ADGRL3: variants seen among roughly 807,000 people sequenced by gnomAD.
ADGRL3 encodes the protein adhesion G protein-coupled receptor L3, also known as calcium-independent alpha-latrotoxin receptor 3.
ADGRL3 carries 62 observed loss-of-function variants against 153.5 expected under a neutral mutation model. The ratio of observed to expected loss-of-function variants is 0.40; its 90% CI spans 0.33 to 0.50. The LOEUF (loss-of-function observed/expected upper bound fraction) is 0.50. Ranked by LOEUF, ADGRL3 falls within the 20% of genes least tolerant of loss-of-function variation. The pLI is 0.47. For missense variants in ADGRL3, 1,641 were observed against 1,859.4 expected (o/e 0.88, Z 2.16); for synonymous variants, 710 against 672.5 (o/e 1.06, Z -0.86).
intron 9 of ADGRL3, among the ~76,000 whole-genome samples, chr4:61,875,275 T>G (rs2098468903): frequency 6.6e-6 from 1 of 152,220 alleles, no homozygotes; most frequent in Non-Finnish European, 1.5e-5. Context: ...AAAAGCCATC[T>G]TGGATTTTTC....
chr4:61,205,488 T>G (rs1003556041), intron 1 of ADGRL3, among the ~76,000 whole-genome samples: 2 of 152,236 alleles, frequency 1.3e-5, no homozygotes, highest in African/African-American at 4.8e-5. Context: ...AGATTTGCAT[T>G]ATATTCAAAA....
At chr4:61,256,131 T>G (rs916082701) in intron 1 of ADGRL3, among the ~76,000 whole-genome samples, 1 of 152,230 alleles carries the variant, frequency 6.6e-6, no homozygotes, top group Admixed American at 6.5e-5. Flanking sequence ...TCAAAACACA[T>G]TTTTTAAGCA....
At chr4:61,911,749 T>A (rs1312894185) in intron 12 of ADGRL3, among the ~76,000 whole-genome samples, 1 of 152,030 alleles carries the variant, frequency 6.6e-6, no homozygotes, top group Non-Finnish European at 1.5e-5. Context: ...TGAATTAGAA[T>A]TGGGAGAGTA....
At chr4:61,920,975 T>C (rs1450461988) in intron 13 of ADGRL3, among the ~76,000 whole-genome samples, 1 of 152,122 alleles carries the variant, frequency 6.6e-6, no homozygotes, top group Non-Finnish European at 1.5e-5. Flanking sequence ...AAAATGCTTT[T>C]TCTTTTTCTT....
chr4:61,735,786 AATAG>A (rs756547536), intron 8 of ADGRL3, among the ~76,000 whole-genome samples: 95 of 152,192 alleles, frequency 6.2e-4, no homozygotes, highest in Non-Finnish European at 1.1e-3. Context: ...TATTTAGAAT[AATAG>A]ATAGGTTAAA....
At chr4:61,746,049 G>T (rs1442485248) in intron 8 of ADGRL3, among the ~76,000 whole-genome samples, 3 of 152,096 alleles carry the variant, frequency 2.0e-5, no homozygotes, top group African/African-American at 7.2e-5. Flanking sequence ...AAAGGCAGGG[G>T]TTGCAATCCT....
chr4:61,975,634 G>A (rs762239024), intron 17 of ADGRL3, among the ~76,000 whole-genome samples: 213 of 152,164 alleles, frequency 1.4e-3, no homozygotes, highest in Non-Finnish European at 2.5e-3. Context: ...ATAGAGAGAA[G>A]TGGGATTAGG....
chr4:61,493,526 A>G (rs1178107767), intron 2 of ADGRL3, among the ~76,000 whole-genome samples: 3 of 152,212 alleles, frequency 2.0e-5, no homozygotes. Flanking sequence ...TCCAGTTGTA[A>G]TTGAAGCCAG....
chr4:62,057,357 T>C lies in ADGRL3; in HGVS notation c.3815-10809T>C, dbSNP rs538305690. Among the ~76,000 whole-genome samples the C allele has an allele frequency of 3.9e-5, 6 of 152,266 alleles. No homozygotes were observed. The South Asian group carries it at 1.2e-3, about 32-fold the overall frequency. The stretch of plus-strand genomic sequence containing the variant: ...AAATATCACAGTTTTGTGTTAAAAC[T>C]ATACATTAGAGAAGGGTGTGACTCA... On this transcript the variant is annotated intron_variant, in intron 25 of 26. Coordinates refer to ENST00000683033, the MANE Select transcript of ADGRL3 (RefSeq NM_001387552.1).
At chr4:62,037,619 A>T in intron 23 of ADGRL3, 112 bp from the exon 24 acceptor site, 1 of 1,116,910 alleles carries the variant, frequency 9.0e-7, no homozygotes, top group Non-Finnish European at 1.3e-6. Context: ...TTACATCTGT[A>T]GGGCAAGGAA....
chr4:61,403,476 G>A (rs1214145251), intron 2 of ADGRL3, among the ~76,000 whole-genome samples: 1 of 152,008 alleles, frequency 6.6e-6, no homozygotes, highest in Non-Finnish European at 1.5e-5. Context: ...TGCAGTGGAG[G>A]TGCTGGGAGG....
intron 1 of ADGRL3, among the ~76,000 whole-genome samples, chr4:61,244,116 T>C (rs1274119973): frequency 6.6e-6 from 1 of 152,120 alleles, no homozygotes; most frequent in African/African-American, 2.4e-5. Context: ...GTTATGGACT[T>C]CAGTGTGAGA....
intron 1 of ADGRL3, among the ~76,000 whole-genome samples, chr4:61,255,902 T>G (rs1484433615): frequency 6.6e-6 from 1 of 152,214 alleles, no homozygotes; most frequent in East Asian, 1.9e-4. Flanking sequence ...CCTCTGTTGA[T>G]ATTTTGAAGA....
chr4:61,729,466 C>T (rs955014407), intron 6 of ADGRL3, among the ~76,000 whole-genome samples: 1 of 151,854 alleles, frequency 6.6e-6, no homozygotes, highest in Non-Finnish European at 1.5e-5. Context: ...AAGATATCAC[C>T]CAAATGTAAT....
intron 1 of ADGRL3, among the ~76,000 whole-genome samples, chr4:61,226,339 A>T (rs558442802): frequency 6.6e-6 from 1 of 152,280 alleles, no homozygotes; most frequent in South Asian, 2.1e-4. Flanking sequence ...GGCAGTCTTT[A>T]GGATTTGTAA....
In ADGRL3 at chr4:61,456,384, T is replaced by G. The variant is rs180976807; in HGVS notation, c.-173-40737T>G. On this transcript the variant is annotated intron_variant, in intron 2 of 26. Coordinates refer to ENST00000683033, the MANE Select transcript of ADGRL3 (RefSeq NM_001387552.1). ...AGAGATATAGATATATCTATATATATATATAGATATATCTATATCTATATA... is the reference window on the plus strand; with the variant it reads ...AGAGATATAGATATATCTATATATAGATATAGATATATCTATATCTATATA... Among the ~76,000 whole-genome samples the G allele has an allele frequency of 2.9e-3, 330 of 115,088 alleles. 10 individuals carry two copies. Among genetic ancestry groups the G allele is most frequent in the African/African-American group, 9.1e-3 (272 of 29,754 alleles). 75.5% of individuals were successfully genotyped at this position (115,088 alleles called of 152,430 possible). A position where few individuals can be genotyped will look rare whatever the true frequency, so the allele number is the denominator to read the frequency against.
At chr4:61,767,568 G>A (rs1231076728) in intron 8 of ADGRL3, among the ~76,000 whole-genome samples, 3 of 152,118 alleles carry the variant, frequency 2.0e-5, no homozygotes, top group East Asian at 1.9e-4. Flanking sequence ...GTCTTCAGCC[G>A]GTAAGCCAAG....
chr4:61,250,853 T>A (rs1320960116), intron 1 of ADGRL3, among the ~76,000 whole-genome samples: 1 of 152,184 alleles, frequency 6.6e-6, no homozygotes, highest in Non-Finnish European at 1.5e-5. Flanking sequence ...AAAATGGGAA[T>A]ATTTATAATA....
chr4:61,400,863 T>C (rs1310694633), intron 2 of ADGRL3, among the ~76,000 whole-genome samples: 1 of 151,650 alleles, frequency 6.6e-6, no homozygotes, highest in African/African-American at 2.4e-5. Context: ...TTAATTATAT[T>C]TGCTTAATGG....
Sources: allele counts gnomAD v4.1 joint callset (sites outside exome capture counted in the v4.1 genomes callset), GRCh38; gene constraint gnomAD v4.1.1; transcripts MANE v1.5; gene names NCBI Gene and HGNC (gene_info 2026-07-23, HGNC 2026-07-21).